NTRK1: variants seen among roughly 807,000 people sequenced by gnomAD.
NTRK1 encodes the protein high affinity nerve growth factor receptor.
NTRK1 carries 62 observed loss-of-function variants against 86.8 expected under a neutral mutation model. The observed-to-expected ratio is 0.71, with a 90% CI of 0.58 to 0.88. The LOEUF (loss-of-function observed/expected upper bound fraction) is 0.88. Among genes scored for constraint, NTRK1 ranks in the 40% least tolerant of loss-of-function variants. NTRK1 has a pLI of 0.00. For missense variants in NTRK1, 967 were observed against 1,078.4 expected (o/e 0.90, Z 1.45); for synonymous variants, 469 against 456.6 (o/e 1.03, Z -0.35).
chr1:156,845,137 G>A, intron 2 of NTRK1: 3 of 1,612,014 alleles, frequency 1.9e-6, no homozygotes, highest in African/African-American at 1.3e-5. Context: ...TGTGCGCCGC[G>A]TGGTTGCAGG....
chr1:156,861,952 T>C (rs1163786180), intron 1 of NTRK1, among the ~76,000 whole-genome samples: 1 of 152,056 alleles, frequency 6.6e-6, no homozygotes, highest in Non-Finnish European at 1.5e-5. Context: ...CCTATGGGAG[T>C]ATGCGGTAAT....
rs990358285 is a variant in NTRK1 at position 156,842,925 on chromosome 1, T to C, written c.50+732T>C. ...TCTTGACCTTAATGGTGCCCTAACC[T>C]CATCTCTGACCCTTTCTTTCTTACC... On this transcript the variant is annotated intron_variant, in intron 2 of 16. Coordinates refer to the NTRK1 transcript ENST00000392302. 3.2e-5 allele frequency: 36 copies of C among 1,134,594 alleles called. No homozygotes were observed. The African/African-American group carries it at 4.3e-4, about 14-fold the overall frequency. 70.3% of individuals were successfully genotyped at this position (1,134,594 alleles called of 1,614,324 possible).
At chr1:156,862,003 G>A (rs1655675155) in intron 1 of NTRK1, among the ~76,000 whole-genome samples, 1 of 152,184 alleles carries the variant, frequency 6.6e-6, no homozygotes, top group South Asian at 2.1e-4. Context: ...GGTGATGGCT[G>A]GAAAATACTT....
At chr1:156,848,693 A>G (rs1038938868) in intron 2 of NTRK1, among the ~76,000 whole-genome samples, 2 of 152,236 alleles carry the variant, frequency 1.3e-5, no homozygotes, top group Non-Finnish European at 2.9e-5. Context: ...GGCTCTCAGA[A>G]GCCCTGTCTT....
chr1:156,841,961 C>T (rs1400088059), intron 1 of NTRK1: 2 of 1,548,528 alleles, frequency 1.3e-6, no homozygotes, highest in African/African-American at 1.4e-5. Context: ...AACCCCTCTG[C>T]CCTTGGACAA....
chr1:156,826,905 T>C (rs7522395), intron 1 of NTRK1, among the ~76,000 whole-genome samples: 123,956 of 152,208 alleles, frequency 0.81, 50,682 homozygotes, highest in African/African-American at 0.88. Flanking sequence ...CTGAACAGTT[T>C]TAGGCATTTG....
At chr1:156,822,715 A>G (rs1353409734) in intron 1 of NTRK1, among the ~76,000 whole-genome samples, 1 of 150,932 alleles carries the variant, frequency 6.6e-6, no homozygotes, top group African/African-American at 2.4e-5. Flanking sequence ...CTCCACCTTC[A>G]GTTAGCCCTT....
At chr1:156,831,231 T>G (rs149113044) in intron 1 of NTRK1, among the ~76,000 whole-genome samples, 8 of 152,276 alleles carry the variant, frequency 5.3e-5, no homozygotes, top group Non-Finnish European at 1.0e-4. Context: ...GGGAAGGGCT[T>G]GGGCAAGGAT....
intron 1 of NTRK1, among the ~76,000 whole-genome samples, chr1:156,822,968 G>A (rs1033982680): frequency 9.2e-5 from 14 of 152,342 alleles, no homozygotes; most frequent in Admixed American, 5.2e-4. Context: ...ATCCCAGCCA[G>A]TATAGGAACT....
chr1:156,845,819 C>A (rs763153726), intron 2 of NTRK1: 2 of 1,611,464 alleles, frequency 1.2e-6, no homozygotes, highest in Non-Finnish European at 1.7e-6. Context: ...GCAAGCCTGG[C>A]GCCGCAGCGG....
At chr1:156,847,193 G>A (rs535804678) in intron 2 of NTRK1, among the ~76,000 whole-genome samples, 18 of 152,320 alleles carry the variant, frequency 1.2e-4, no homozygotes, top group African/African-American at 4.3e-4. Flanking sequence ...TGACTTTGGA[G>A]GTTTATGAGC....
At chr1:156,849,087 A>C in intron 2 of NTRK1, 1 of 1,603,110 alleles carries the variant, frequency 6.2e-7, no homozygotes, top group Non-Finnish European at 8.5e-7. Flanking sequence ...CGCGCCTGCC[A>C]GCTGCTTGAG....
chr1:156,817,597 A>G (rs1288251514), intron 1 of NTRK1, among the ~76,000 whole-genome samples: 2 of 151,428 alleles, frequency 1.3e-5, no homozygotes, highest in African/African-American at 4.9e-5. Flanking sequence ...CATCATTAGT[A>G]TCAACACTAT....
rs539401103 is a variant in NTRK1, at chr1:156,855,739, C to T, written c.51-8615C>T. On this transcript the variant is annotated intron_variant, in intron 2 of 16. Coordinates refer to the NTRK1 transcript ENST00000392302. The stretch of plus-strand genomic sequence containing the variant: ...ACTCAGGAGGTTGAGGTGGGAGGAT[C>T]GCTTGAGCCCAGAAGGTCAAGGCTG... 1.5e-4 allele frequency among the ~76,000 whole-genome samples: 23 copies of T among 152,208 alleles called. 1 individual carries two copies. The highest frequency in any genetic ancestry group is 1.0e-4 in the Non-Finnish European group (7 of 68,004).
intron 3 of NTRK1, among the ~76,000 whole-genome samples, chr1:156,866,033 T>C (rs1655914216): frequency 1.3e-5 from 2 of 152,222 alleles, no homozygotes; most frequent in Non-Finnish European, 2.9e-5. Context: ...CCCCATTTCA[T>C]AGATGAGAAT....
intron 2 of NTRK1, chr1:156,843,291 C>G: frequency 6.3e-7 from 1 of 1,575,898 alleles, no homozygotes; most frequent in Non-Finnish European, 8.7e-7. Context: ...CACCTCACCC[C>G]CCAACTTCTC....
rs752034014 is a variant in NTRK1, at chr1:156,868,160, GGGA to G, written c.494_496del (p.Glu165del). The G allele has an allele frequency of 1.2e-6, 2 of 1,613,792 alleles. No individual in the cohort carries two copies. Among genetic ancestry groups the G allele is most frequent in the East Asian group, 2.2e-5 (1 of 44,892 alleles). Reference sequence around the variant, plus strand: ...TGTGCCCTGCGCTGGCTACAGCGCTGGGAGGAGGAGGGACTGGGCGGAGTGCCT... The same window carrying G: ...TGTGCCCTGCGCTGGCTACAGCGCTGGGAGGAGGGACTGGGCGGAGTGCCT... On this transcript the variant is annotated inframe_deletion, in exon 5 of 17. Coordinates refer to ENST00000524377, the MANE Select transcript of NTRK1 (RefSeq NM_002529.4).
At chr1:156,871,472 C>A in intron 6 of NTRK1, 151 bp from the exon 7 acceptor site, 1 of 765,346 alleles carries the variant, frequency 1.3e-6, no homozygotes. Flanking sequence ...CCATTATCTG[C>A]TACATTCTCT....
At chr1:156,843,619 G>A (rs1654881214) in intron 2 of NTRK1, 2 of 860,958 alleles carry the variant, frequency 2.3e-6, no homozygotes, top group Admixed American at 1.9e-5. Flanking sequence ...GACTCCTGGG[G>A]ATCCCTAAGT....
Sources: allele counts gnomAD v4.1 joint callset (sites outside exome capture counted in the v4.1 genomes callset), GRCh38; gene constraint gnomAD v4.1.1; transcripts MANE v1.5; gene names NCBI Gene and HGNC (gene_info 2026-07-23, HGNC 2026-07-21).